The following ADGRE1 variants were observed in gnomAD, a reference collection of about 807,000 sequenced individuals.
The protein encoded by ADGRE1 is adhesion G protein-coupled receptor E1, also known as EGF-like module receptor 1.
In ADGRE1, 82 loss-of-function variants were observed where a neutral mutation model predicts 102.7. The ratio of observed to expected loss-of-function variants is 0.80; its 90% confidence interval spans 0.67 to 0.96. The LOEUF (loss-of-function observed/expected upper bound fraction) is 0.96, where lower values mean the gene tolerates loss of function less well. ADGRE1 is among the 40% of genes least tolerant of loss of function. ADGRE1 has a pLI of 0.00. For synonymous variants in ADGRE1, 398 were observed against 399.6 expected, an observed-to-expected ratio of 1.00 and a Z score of 0.05; for missense variants, 1,032 against 1,085.3, an observed-to-expected ratio of 0.95 and a Z score of 0.69.
intron 2 of ADGRE1, 31 bp downstream of exon 2, chr19:6,890,574 GA>G (rs1973331972): frequency 6.2e-7 from 1 of 1,604,154 alleles, no homozygotes; most frequent in South Asian, 1.1e-5. Flanking sequence ...GCAGATGCCT[GA>G]AGGGGTAGAG....
intron 2 of ADGRE1, among the ~76,000 whole-genome samples, chr19:6,892,566 C>T (rs971262815): frequency 2.0e-5 from 3 of 152,120 alleles, no homozygotes; most frequent in Admixed American, 1.3e-4. Flanking sequence ...TTCTATAGTT[C>T]GTCTTCCAAC....
chr19:6,932,854 A>G (rs1254240277), intron 17 of ADGRE1, among the ~76,000 whole-genome samples: 3 of 152,214 alleles, frequency 2.0e-5, no homozygotes, highest in Admixed American at 2.0e-4. Flanking sequence ...TATGTGTGAG[A>G]TGCTTAGTAC....
intron 10 of ADGRE1, among the ~76,000 whole-genome samples, chr19:6,912,899 C>G (rs1974252643): frequency 1.3e-5 from 2 of 152,196 alleles, no homozygotes. Flanking sequence ...AAACTTACTG[C>G]ATTGCATAAA....
intron 17 of ADGRE1, among the ~76,000 whole-genome samples, chr19:6,934,099 C>T (rs759152823): frequency 6.6e-6 from 1 of 152,046 alleles, no homozygotes; most frequent in African/African-American, 2.4e-5. Context: ...CGCGTTGGCT[C>T]AGACTCAAAG....
Position 6,897,206 on chromosome 19 carries a change from A to T in ADGRE1, c.296A>T (p.Asn99Ile). ...QPCGPNSSCK[N>I]LSGRYKCSCL... ...TGTGGTCCTAACTCATCCTGCAAAAACCTGTCAGGGAGGTACAAGTGCAGC... is the reference window on the plus strand; with the variant it reads ...TGTGGTCCTAACTCATCCTGCAAAATCCTGTCAGGGAGGTACAAGTGCAGC... Residue 99 changes from asparagine to isoleucine, a missense_variant, in exon 4 of 21, where the codon AAC becomes ATC. Transcript: ENST00000312053. 6.2e-7 allele frequency: 1 copy of T among 1,612,524 alleles called. No homozygotes were observed. The highest frequency in any genetic ancestry group is 1.7e-4 in the Middle Eastern group (1 of 6,058).
At chr19:6,897,053 T>G in intron 3 of ADGRE1, 96 bp from the exon 4 acceptor site, 2 of 1,245,996 alleles carry the variant, frequency 1.6e-6, no homozygotes, top group Non-Finnish European at 2.2e-6. Flanking sequence ...GCATATGGGA[T>G]GGGAGATATT....
chr19:6,926,587 T>C lies in ADGRE1; in HGVS notation c.2208T>C (p.Tyr736=), dbSNP rs1485518678. ...VISASVQPQG[Y]GMHNRCWLNT... is the part of the protein sequence containing the mutation. ...CTGCCAGTGTGCAGCCACAGGGCTA[T>C]GGAATGCATAATCGGTGAGTGACAT... The change falls in exon 16 of 21, where the codon TAT becomes TAC. Residue 736 remains tyrosine (Y), a synonymous_variant. Coordinates refer to ENST00000312053, the MANE Select transcript of ADGRE1 (RefSeq NM_001974.5). 1.9e-6 allele frequency: 3 copies of C among 1,614,248 alleles called. No homozygotes were observed. Among genetic ancestry groups the C allele is most frequent in the Non-Finnish European group, 8.5e-7 (1 of 1,180,046 alleles).
At chr19:6,934,896 C>G (rs1026674621) in intron 17 of ADGRE1, 91 bp from the exon 18 acceptor site, 2 of 821,616 alleles carry the variant, frequency 2.4e-6, no homozygotes, top group East Asian at 6.3e-5. Flanking sequence ...CGTGAGCCAC[C>G]ACGCCCAGCC....
At position 6,919,402 on chromosome 19, in the gene ADGRE1, A is replaced by G. The variant is rs555369673; in HGVS notation, c.1421-146A>G. On this transcript the variant is annotated intron_variant, in intron 12 of 20. Transcript: ENST00000312053. ...ATCTCAGAGCAGCACGGTGAGGTGC[A>G]TGACTCTCTCTCTCTCTCTCTCTCT... 9.4e-5 allele frequency: 49 copies of G among 523,050 alleles called. No individual in the cohort carries two copies. The African/African-American group carries it at 1.9e-3, about 21-fold the overall frequency. 32.4% of individuals were successfully genotyped at this position (523,050 alleles called of 1,614,324 possible). A position where few individuals can be genotyped will look rare whatever the true frequency, so the allele number is the denominator to read the frequency against.
chr19:6,911,604 C>T (rs1234142092), intron 10 of ADGRE1, among the ~76,000 whole-genome samples: 1 of 148,024 alleles, frequency 6.8e-6, no homozygotes, highest in Non-Finnish European at 1.5e-5. Context: ...CACATACACA[C>T]ATATACATAC....
At chr19:6,893,065 C>T (rs1276592992) in intron 2 of ADGRE1, among the ~76,000 whole-genome samples, 2 of 152,196 alleles carry the variant, frequency 1.3e-5, no homozygotes, top group Non-Finnish European at 2.9e-5. Context: ...ATTTTTAGCT[C>T]CCACGTAGGA....
intron 2 of ADGRE1, among the ~76,000 whole-genome samples, chr19:6,891,478 G>A (rs534761270): frequency 4.0e-4 from 59 of 147,096 alleles, no homozygotes; most frequent in African/African-American, 1.5e-3. Flanking sequence ...TTTTGAGATA[G>A]ATTCTCGCTC....
At chr19:6,919,442 C>CTGTGTGTGTGTGCGTG in intron 12 of ADGRE1, 106 bp from the exon 13 acceptor site, 1 of 448,580 alleles carries the variant, frequency 2.2e-6, no homozygotes, top group Non-Finnish European at 3.9e-6. Context: ...CTCCCTCCCT[C>CTGTGTGTGTGTGCGTG]TGTGTGTGTG....
chr19:6,905,954 ATAT>A (rs1217173658), intron 8 of ADGRE1, among the ~76,000 whole-genome samples: 1 of 152,176 alleles, frequency 6.6e-6, no homozygotes, highest in Non-Finnish European at 1.5e-5. Flanking sequence ...ACTTAAAAAA[ATAT>A]TTTCCCATGG....
At chr19:6,924,522 A>T (rs1974802461) in intron 14 of ADGRE1, among the ~76,000 whole-genome samples, 156 bp from the exon 15 acceptor site, 1 of 152,190 alleles carries the variant, frequency 6.6e-6, no homozygotes, top group Non-Finnish European at 1.5e-5. Context: ...ATTGCAAAGG[A>T]TAATGAAGGA....
In ADGRE1 at chr19:6,937,319, C is replaced by T; in HGVS notation, c.2458C>T (p.Pro820Ser). Residue 820 changes from proline to serine, a missense_variant, in exon 19 of 21, where the codon CCT becomes TCT. Physicochemically the swap from Pro to Ser is moderately conservative, Grantham distance 74 (BLOSUM62 -1). Coordinates refer to ENST00000312053, the MANE Select transcript of ADGRE1 (RefSeq NM_001974.5). ...SWVLGIFQIG[P>S]VAGVMAYLFT... Reference sequence around the variant, plus strand: ...GGTGCTGGGCATTTTTCAGATTGGACCTGTGGCAGGTGTCATGGCTTACCT... The same window carrying T: ...GGTGCTGGGCATTTTTCAGATTGGATCTGTGGCAGGTGTCATGGCTTACCT... 1 of 1,614,138 alleles carries T rather than the reference C, an allele frequency of 6.2e-7. No homozygotes were observed. Among genetic ancestry groups the T allele is most frequent in the East Asian group, 2.2e-5 (1 of 44,882 alleles).
At chr19:6,910,250 G>A (rs1490884332) in intron 10 of ADGRE1, among the ~76,000 whole-genome samples, 1 of 151,842 alleles carries the variant, frequency 6.6e-6, no homozygotes, top group Non-Finnish European at 1.5e-5. Context: ...TACAAACTTA[G>A]TTCAATTTCC....
In ADGRE1 at chr19:6,901,966, A is replaced by T. The variant is rs1226562303; in HGVS notation, c.606A>T (p.Gly202=). The change falls in exon 6 of 21, where the codon GGA becomes GGT. Residue 202 remains glycine, a synonymous_variant. Transcript: ENST00000312053. The part of the protein sequence containing the change: ...VGNYSCFCNP[G]FESSSGHLSF... ...ACTACTCTTGTTTCTGCAACCCAGG[A>T]TTTGAATCCAGCAGTGGCCACTTGA... 6.2e-7 allele frequency: 1 copy of T among 1,614,080 alleles called. No homozygotes were observed. The highest frequency in any genetic ancestry group is 8.5e-7 in the Non-Finnish European group (1 of 1,180,040).
chr19:6,905,085 C>T (rs1369019907), intron 8 of ADGRE1, among the ~76,000 whole-genome samples: 2 of 151,994 alleles, frequency 1.3e-5, no homozygotes, highest in Non-Finnish European at 2.9e-5. Context: ...AGTGACATAC[C>T]TATAAACAGC....
Sources: gnomAD v4.1 joint callset for allele counts (sites outside exome capture counted in the v4.1 genomes callset) on GRCh38, gnomAD v4.1.1 for gene constraint, MANE v1.5 for transcripts, NCBI Gene and HGNC (gene_info 2026-07-23, HGNC 2026-07-21) for gene names.